Variants in ELMO1 observed in about 807,000 individuals in gnomAD.
ELMO1 encodes the protein engulfment and cell motility protein 1.
ELMO1 carries 26 observed loss-of-function variants against 98.9 expected under a neutral mutation model. The ratio of observed to expected loss-of-function variants is 0.26; its 90% CI spans 0.19 to 0.36. ELMO1 has a LOEUF of 0.36. ELMO1 is among the 10% of genes least tolerant of loss of function. ELMO1 has a pLI of 1.00. For missense variants in ELMO1, 627 were observed against 935.2 expected (o/e 0.67, Z 4.30); for synonymous variants, 346 against 346.0 (o/e 1.00, Z 0.00).
At chr7:37,043,795 C>G (rs951685816) in intron 15 of ELMO1, among the ~76,000 whole-genome samples, 2 of 151,956 alleles carry the variant, frequency 1.3e-5, no homozygotes, top group African/African-American at 4.8e-5. Context: ...GCAGGGAGCC[C>G]AGCACACAAG....
chr7:36,855,518 G>A lies in ELMO1; in HGVS notation c.*33C>T, dbSNP rs1802128505. 1 of 1,612,750 alleles carries A rather than the reference G, an allele frequency of 6.2e-7. No homozygotes were observed. Among genetic ancestry groups the A allele is most frequent in the South Asian group, 1.1e-5 (1 of 91,038 alleles). On this transcript the variant is annotated 3_prime_UTR_variant, in exon 22 of 22. Coordinates refer to ENST00000310758, the MANE Select transcript of ELMO1 (RefSeq NM_014800.11). This position sits in a 1 kb window ranked among gnomAD's most constrained non-coding sequence, Gnocchi z 4.2. ...TCTCTCCTGTTAGCTAGGTGTTCCAGTTTTGGAAGGGGCATGTCTGGGCCC... is the reference window on the plus strand; with the variant it reads ...TCTCTCCTGTTAGCTAGGTGTTCCAATTTTGGAAGGGGCATGTCTGGGCCC...
chr7:37,353,839 G>T (rs1801384825), intron 1 of ELMO1, among the ~76,000 whole-genome samples: 1 of 152,142 alleles, frequency 6.6e-6, no homozygotes. Context: ...CAATCCTTTA[G>T]CGAGACACAA....
intron 8 of ELMO1, among the ~76,000 whole-genome samples, chr7:37,228,144 A>C (rs1793969571): frequency 6.6e-6 from 1 of 152,182 alleles, no homozygotes; most frequent in Admixed American, 6.5e-5. Flanking sequence ...AAATGACCTA[A>C]TACTTCCACT....
intron 2 of ELMO1, among the ~76,000 whole-genome samples, chr7:37,329,312 A>G (rs1562618805): frequency 1.3e-5 from 2 of 152,200 alleles, no homozygotes; most frequent in Non-Finnish European, 2.9e-5. Flanking sequence ...ATGGGGTATA[A>G]AGTGATATTT....
chr7:37,096,815 T>C (rs1784385969), intron 14 of ELMO1, 88 bp from the exon 15 acceptor site: 10 of 1,192,966 alleles, frequency 8.4e-6, no homozygotes, highest in South Asian at 5.0e-5. Flanking sequence ...GATGAATACA[T>C]AGATCCACTT....
chr7:37,416,334 C>T (rs893384057), intron 1 of ELMO1, among the ~76,000 whole-genome samples: 3 of 152,184 alleles, frequency 2.0e-5, no homozygotes, highest in Non-Finnish European at 4.4e-5. Context: ...TTTATATACA[C>T]ATATATTTTC....
intron 16 of ELMO1, among the ~76,000 whole-genome samples, chr7:37,000,598 C>A (rs542342377): frequency 1.3e-5 from 2 of 152,116 alleles, no homozygotes; most frequent in Non-Finnish European, 2.9e-5. Context: ...TTTTTGTGAA[C>A]GGCATGATGT....
At chr7:37,259,160 G>A in intron 6 of ELMO1, 21 bp downstream of exon 6, 1 of 1,598,642 alleles carries the variant, frequency 6.3e-7, no homozygotes. Context: ...AGCTGTGGAA[G>A]TTAGGAAAAA....
At chr7:36,934,660 C>A (rs992784164) in intron 16 of ELMO1, among the ~76,000 whole-genome samples, 8 of 152,190 alleles carry the variant, frequency 5.3e-5, no homozygotes, top group African/African-American at 1.9e-4. Flanking sequence ...TAATAATGGG[C>A]AAAATAGTTT....
chr7:36,923,722 A>C (rs148341472), intron 16 of ELMO1, among the ~76,000 whole-genome samples: 56 of 152,330 alleles, frequency 3.7e-4, no homozygotes, highest in African/African-American at 1.3e-3. Context: ...GAAATTCAGA[A>C]AGGAACATAA....
At chr7:37,161,874 T>A (rs4720238) in intron 13 of ELMO1, among the ~76,000 whole-genome samples, 3 of 117,442 alleles carry the variant, frequency 2.6e-5, no homozygotes, top group Non-Finnish European at 5.3e-5. Context: ...AGGCTTCCAC[T>A]AAGGCATTAT....
intron 16 of ELMO1, among the ~76,000 whole-genome samples, chr7:36,950,706 C>A (rs141949355): frequency 2.6e-5 from 4 of 152,318 alleles, no homozygotes; most frequent in African/African-American, 7.2e-5. Context: ...CAAGACATTG[C>A]GCTAGAGGGA....
chr7:37,234,121 G>A (rs1431859158), intron 7 of ELMO1, among the ~76,000 whole-genome samples: 1 of 152,136 alleles, frequency 6.6e-6, no homozygotes, highest in East Asian at 1.9e-4. Flanking sequence ...ACACCTTTAT[G>A]ATAAATACTC....
intron 15 of ELMO1, among the ~76,000 whole-genome samples, chr7:37,047,927 GCTTT>G (rs1271358149): frequency 2.6e-5 from 4 of 151,710 alleles, no homozygotes; most frequent in Non-Finnish European, 4.4e-5. Context: ...AAAAAACCCT[GCTTT>G]CTTTGATTAG....
At chr7:37,110,236 C>G (rs1166077010) in intron 14 of ELMO1, among the ~76,000 whole-genome samples, 2 of 152,146 alleles carry the variant, frequency 1.3e-5, no homozygotes, top group Admixed American at 1.3e-4. Flanking sequence ...TACAAGGACA[C>G]AAATCCAATG....
chr7:37,075,582 C>T (rs577130817), intron 15 of ELMO1, among the ~76,000 whole-genome samples: 27 of 152,100 alleles, frequency 1.8e-4, no homozygotes, highest in African/African-American at 6.3e-4. Flanking sequence ...AGGTTCTATT[C>T]GGCAGCTAAA....
chr7:37,225,116 A>C, intron 8 of ELMO1, 86 bp from the exon 9 acceptor site: 1 of 1,537,482 alleles, frequency 6.5e-7, no homozygotes. Flanking sequence ...CAAATCGGGA[A>C]CTCATTTAAG....
chr7:37,349,785 T>C (rs768628537), intron 1 of ELMO1, among the ~76,000 whole-genome samples: 11 of 152,214 alleles, frequency 7.2e-5, no homozygotes, highest in Non-Finnish European at 1.3e-4. Flanking sequence ...CCGCCCTGCA[T>C]GGTACACTGA....
chr7:36,985,997 G>C, intron 16 of ELMO1: 1 of 1,002,788 alleles, frequency 1.0e-6, no homozygotes, highest in South Asian at 4.7e-5. Flanking sequence ...GCGACTTAGA[G>C]TCGTCCCCCT....
Sources: allele counts gnomAD v4.1 joint callset (sites outside exome capture counted in the v4.1 genomes callset), GRCh38; gene constraint gnomAD v4.1.1; non-coding constraint Gnocchi (gnomAD v3.1); transcripts MANE v1.5; gene names NCBI Gene and HGNC (gene_info 2026-07-23, HGNC 2026-07-21).